SYNE1: variants seen among roughly 807,000 people sequenced by gnomAD.
The protein encoded by SYNE1 is nesprin-1.
In SYNE1, 616 loss-of-function variants were observed where a neutral mutation model predicts 1,111.0. That is an observed-to-expected ratio of 0.55 (90% CI 0.52 to 0.59). SYNE1 has a LOEUF of 0.59. Ranked by LOEUF, SYNE1 falls within the 20% of genes least tolerant of loss-of-function variation. SYNE1 has a pLI of 0.00. For missense variants in SYNE1, 10,006 were observed against 10,417.0 expected (o/e 0.96, Z 1.72); for synonymous variants, 3,855 against 3,825.8 (o/e 1.01, Z -0.28).
chr6:152,510,264 C>T lies in SYNE1; in HGVS notation c.510G>A (p.Arg170=). The T allele has an allele frequency of 6.2e-7, 1 of 1,613,894 alleles. No homozygotes were observed. Among genetic ancestry groups the T allele is most frequent in the Non-Finnish European group, 8.5e-7 (1 of 1,179,962 alleles). The stretch of plus-strand genomic sequence containing the variant: ...TTCCTTGGATCTTGGTGGTCACCTT[C>T]CGTTTACTTGGTGGGCTGGGAGTCT... ...SSETPSPPSK[R]KVTTKIQGNA... The change falls in exon 8 of 146, where the codon CGG becomes CGA. Residue 170 remains arginine (R), a synonymous_variant. Coordinates refer to ENST00000367255, the MANE Select transcript of SYNE1 (RefSeq NM_182961.4).
At chr6:152,441,078 T>C (rs2098525680) in intron 32 of SYNE1, 52 bp downstream of exon 32, 2 of 1,602,920 alleles carry the variant, frequency 1.2e-6, no homozygotes, top group South Asian at 1.1e-5. Context: ...ATCATTTTGT[T>C]TGTTTTGCTT....
At chr6:152,257,892 T>C (rs1443371709) in intron 101 of SYNE1, among the ~76,000 whole-genome samples, 1 of 152,130 alleles carries the variant, frequency 6.6e-6, no homozygotes, top group Non-Finnish European at 1.5e-5. Context: ...AAGCAAACCT[T>C]GATTCTTAAA....
At position 152,154,831 on chromosome 6, in the gene SYNE1, A is replaced by G; in HGVS notation, c.24129+61T>C. 3.1e-6 allele frequency: 5 copies of G among 1,596,668 alleles called. No homozygotes were observed. The South Asian group carries it at 4.4e-5, about 14-fold the overall frequency. Reference sequence around the variant, plus strand: ...CAGCTAGTTTAGGTCTTGGAACTCCAACTACCAGCTGGCTACTTTAATAGC... The same window carrying G: ...CAGCTAGTTTAGGTCTTGGAACTCCGACTACCAGCTGGCTACTTTAATAGC... On this transcript the variant is annotated intron_variant, in intron 133 of 145. Coordinates refer to ENST00000367255, the MANE Select transcript of SYNE1 (RefSeq NM_182961.4).
chr6:152,339,224 A>G lies in SYNE1; in HGVS notation c.12351+17T>C, dbSNP rs1411281714. The G allele has an allele frequency of 1.2e-6, 2 of 1,612,642 alleles. No homozygotes were observed. The highest frequency in any genetic ancestry group is 1.7e-6 in the Non-Finnish European group (2 of 1,179,156). ...TAATAAAACAAACAAATTCAATGTG[A>G]TTTTTCATTTTCTTACCGTTTGCTC... On this transcript the variant is annotated intron_variant, in intron 75 of 145. Transcript: ENST00000367255.
At chr6:152,337,796 C>T (rs1307560136) in intron 75 of SYNE1, among the ~76,000 whole-genome samples, 1 of 152,190 alleles carries the variant, frequency 6.6e-6, no homozygotes, top group Non-Finnish European at 1.5e-5. Context: ...CTTTGATCTG[C>T]TTCACTGGTT....
At position 152,154,761 on chromosome 6, in the gene SYNE1, T is replaced by C; in HGVS notation, c.24129+131A>G. The C allele has an allele frequency of 2.9e-6, 3 of 1,025,230 alleles. No individual in the cohort carries two copies. In the South Asian group the frequency reaches 4.0e-5, roughly 14 times the overall value. 63.5% of individuals were successfully genotyped at this position (1,025,230 alleles called of 1,614,324 possible). A position where few individuals can be genotyped will look rare whatever the true frequency, so the allele number is the denominator to read the frequency against. On this transcript the variant is annotated intron_variant, in intron 133 of 145. Transcript: ENST00000367255. ...CGTATGAGGTCATAATAAAGATGGC[T>C]GCAAAGTCCTCACGCAGCAATTTGA...
intron 18 of SYNE1, among the ~76,000 whole-genome samples, 170 bp downstream of exon 18, chr6:152,465,088 C>A (rs1218098174): frequency 6.6e-6 from 1 of 152,108 alleles, no homozygotes; most frequent in East Asian, 1.9e-4. Flanking sequence ...TTCTATTAAG[C>A]AGTGTATTTA....
At chr6:152,228,673 A>G (rs1448266606) in intron 115 of SYNE1, among the ~76,000 whole-genome samples, 1 of 152,238 alleles carries the variant, frequency 6.6e-6, no homozygotes, top group Non-Finnish European at 1.5e-5. Context: ...TCACTTTGCT[A>G]ATTCTAATAC....
intron 6 of SYNE1, among the ~76,000 whole-genome samples, chr6:152,518,171 C>T (rs1354541964): frequency 6.6e-6 from 1 of 150,660 alleles, no homozygotes; most frequent in Non-Finnish European, 1.5e-5. Flanking sequence ...ATCCTGTTCT[C>T]TAGTTTGTAA....
chr6:152,393,510 A>G (rs1045649039), intron 51 of SYNE1, among the ~76,000 whole-genome samples: 1 of 151,710 alleles, frequency 6.6e-6, no homozygotes, highest in African/African-American at 2.4e-5. Context: ...ATTTTCTGGC[A>G]CTATACTAGA....
rs766087506 is a variant in SYNE1, at chr6:152,331,645, T to C, written c.13040A>G (p.Asn4347Ser). ...CTCCTGAAATCTGGACTGCACCACATTTAACTCCTCCAAGTTGGTGACTGA... is the reference window on the plus strand; with the variant it reads ...CTCCTGAAATCTGGACTGCACCACACTTAACTCCTCCAAGTTGGTGACTGA... Reference protein sequence around the residue: ...QVSVTNLEELNVVQSRFQELM... With the variant: ...QVSVTNLEELSVVQSRFQELM... The change falls in exon 78 of 146, where the codon AAT becomes AGT. Residue 4347 changes from asparagine to serine, a missense_variant. Asn to Ser is a conservative substitution (Grantham distance 46). Around this residue, in one of 7 missense-constraint regions of SYNE1, gnomAD observed 4,955 missense variants for 5,017.2 expected, o/e 0.99. Coordinates refer to ENST00000367255, the MANE Select transcript of SYNE1 (RefSeq NM_182961.4). The C allele has an allele frequency of 6.2e-7, 1 of 1,614,146 alleles. No homozygotes were observed. The highest frequency in any genetic ancestry group is 8.5e-7 in the Non-Finnish European group (1 of 1,180,020).
chr6:152,465,227 C>T (rs767068288), intron 18 of SYNE1, 31 bp downstream of exon 18: 9 of 1,610,076 alleles, frequency 5.6e-6, no homozygotes, highest in East Asian at 4.5e-5. Flanking sequence ...ATACATCAAA[C>T]GTCTTTTCTT....
At position 152,416,499 on chromosome 6, in the gene SYNE1, T is replaced by A. The variant is rs761717534; in HGVS notation, c.5938A>T (p.Lys1980Ter). 6.2e-7 allele frequency: 1 copy of A among 1,614,114 alleles called. No individual in the cohort carries two copies. The highest frequency in any genetic ancestry group is 1.1e-5 in the South Asian group (1 of 91,082). Reference protein sequence around the residue: ...QSEADALAVLKKAFQDQKEEL... With the variant: ...QSEADALAVL ...TCTTTCTGGTCTTGGAATGCTTTTTTCAACACTGCCAGAGCATCTGCCTCA... is the reference window on the plus strand; with the variant it reads ...TCTTTCTGGTCTTGGAATGCTTTTTACAACACTGCCAGAGCATCTGCCTCA... Residue 1980 changes from lysine to a stop codon, truncating the protein, a stop_gained, in exon 41 of 146, where the codon AAA (lysine) becomes TAA (stop). Coordinates refer to ENST00000367255, the MANE Select transcript of SYNE1 (RefSeq NM_182961.4). LOFTEE classifies it high-confidence loss of function.
intron 50 of SYNE1, among the ~76,000 whole-genome samples, 195 bp from the exon 51 acceptor site, chr6:152,395,866 C>A (rs2097723659): frequency 6.6e-6 from 1 of 152,146 alleles, no homozygotes; most frequent in Non-Finnish European, 1.5e-5. Context: ...AAAATCATGA[C>A]AATTTCTTTT....
Position 152,347,122 on chromosome 6 carries a change from G to C in SYNE1, c.12015C>G (p.Asn4005Lys). 1 of 1,614,152 alleles carries C rather than the reference G, an allele frequency of 6.2e-7. No individual in the cohort carries two copies. The highest frequency in any genetic ancestry group is 8.5e-7 in the Non-Finnish European group (1 of 1,180,030). ...ADHLQAKLKQNVHAHLQGTKD... is the reference protein window; with the variant it reads ...ADHLQAKLKQKVHAHLQGTKD... Reference sequence around the variant, plus strand: ...TTGTGCCCTGCAGATGAGCATGCACGTTTTGTTTAAGTTTCGCTTGCAGGT... The same window carrying C: ...TTGTGCCCTGCAGATGAGCATGCACCTTTTGTTTAAGTTTCGCTTGCAGGT... The change falls in exon 73 of 146, where the codon AAC becomes AAG. Residue 4005 changes from asparagine (N) to lysine (K), a missense_variant. Physicochemically the swap from Asn to Lys is moderately conservative, Grantham distance 94. Around this residue, in one of 7 missense-constraint regions of SYNE1, gnomAD observed 4,955 missense variants for 5,017.2 expected, o/e 0.99. Transcript: ENST00000367255.
intron 46 of SYNE1, 109 bp downstream of exon 46, chr6:152,404,104 G>GTTAT: frequency 1.8e-6 from 1 of 543,358 alleles, no homozygotes; most frequent in Non-Finnish European, 3.2e-6. Flanking sequence ...AGATATATGA[G>GTTAT]ATATATATAT....
chr6:152,433,734 G>C (rs765532965), intron 34 of SYNE1, 61 bp downstream of exon 34: 11 of 1,578,554 alleles, frequency 7.0e-6, no homozygotes, highest in Non-Finnish European at 9.6e-6. Flanking sequence ...TTGATGAAAT[G>C]TAAGAAAGTA....
At chr6:152,502,844 A>G in intron 9 of SYNE1, 102 bp from the exon 10 acceptor site, 1 of 908,574 alleles carries the variant, frequency 1.1e-6, no homozygotes, top group South Asian at 1.4e-5. Context: ...CGCTAAACGC[A>G]GAAGGAAAAC....
intron 123 of SYNE1, among the ~76,000 whole-genome samples, chr6:152,213,267 T>C (rs149335108): frequency 0.02 from 3,065 of 152,298 alleles, 104 homozygotes; most frequent in African/African-American, 0.068. Flanking sequence ...CCTTGGCATA[T>C]TAAAGTAGTC....
Sources: allele counts gnomAD v4.1 joint callset (sites outside exome capture counted in the v4.1 genomes callset), GRCh38; gene constraint gnomAD v4.1.1; regional missense constraint gnomAD v4.1.1; transcripts MANE v1.5; gene names NCBI Gene and HGNC (gene_info 2026-07-23, HGNC 2026-07-21).